PHTF2: variants seen among roughly 807,000 people sequenced by gnomAD.
PHTF2 encodes the protein protein PHTF2.
A neutral mutation model predicts 101.2 loss-of-function variants in PHTF2; 60 were observed. That is an observed-to-expected ratio of 0.59 (90% CI 0.48 to 0.73). PHTF2 has a LOEUF of 0.73. Ranked by LOEUF, PHTF2 falls within the 30% of genes least tolerant of loss-of-function variation. The probability of loss-of-function intolerance (pLI) is 0.00; values close to 1 mark genes in which losing one functional copy is unlikely to be tolerated. For missense variants in PHTF2, 747 were observed against 908.7 expected (o/e 0.82, Z 2.29); for synonymous variants, 311 against 307.3 (o/e 1.01, Z -0.13).
At chr7:77,809,024 C>T (rs1793208497) in intron 1 of PHTF2, among the ~76,000 whole-genome samples, 1 of 151,694 alleles carries the variant, frequency 6.6e-6, no homozygotes. Flanking sequence ...TAAAAAGTAC[C>T]ATTTTGATTT....
At chr7:77,861,532 A>G (rs1441347618) in intron 3 of PHTF2, among the ~76,000 whole-genome samples, 1 of 152,130 alleles carries the variant, frequency 6.6e-6, no homozygotes, top group Admixed American at 6.6e-5. Context: ...ATTGTCTATT[A>G]TGACTTTGGT....
chr7:77,907,523 G>A (rs1801978602), intron 7 of PHTF2, among the ~76,000 whole-genome samples: 1 of 152,134 alleles, frequency 6.6e-6, no homozygotes, highest in Non-Finnish European at 1.5e-5. Context: ...TAGTACAACA[G>A]CTGGGGTGGC....
At chr7:77,863,655 C>CTT (rs71082790) in intron 3 of PHTF2, among the ~76,000 whole-genome samples, 1 of 143,864 alleles carries the variant, frequency 7.0e-6, no homozygotes, top group Non-Finnish European at 1.5e-5. Flanking sequence ...TTATTAAAGA[C>CTT]TTTTTTTTTT....
intron 1 of PHTF2, among the ~76,000 whole-genome samples, chr7:77,836,418 G>A (rs578184933): frequency 5.9e-5 from 9 of 152,246 alleles, no homozygotes; most frequent in African/African-American, 9.6e-5. Flanking sequence ...TTGAGATTCC[G>A]TAAAGGCAGA....
At chr7:77,935,427 G>A (rs1052935455) in intron 12 of PHTF2, among the ~76,000 whole-genome samples, 2 of 151,904 alleles carry the variant, frequency 1.3e-5, no homozygotes, top group African/African-American at 4.8e-5. Context: ...GGGTTTCACC[G>A]TGTTAGCCAG....
intron 5 of PHTF2, 80 bp downstream of exon 4, chr7:77,894,073 C>A: frequency 1.9e-6 from 2 of 1,046,856 alleles, no homozygotes; most frequent in Non-Finnish European, 3.0e-6. Flanking sequence ...CTTTTTGGTG[C>A]TACTAACAGA....
At chr7:77,920,605 G>A in intron 10 of PHTF2, 140 bp downstream of exon 9, 1 of 649,980 alleles carries the variant, frequency 1.5e-6, no homozygotes. Context: ...TGATGAAACT[G>A]TAAATGAGAT....
chr7:77,849,440 T>C (rs926327149), intron 2 of PHTF2, among the ~76,000 whole-genome samples: 2 of 152,172 alleles, frequency 1.3e-5, no homozygotes, highest in African/African-American at 2.4e-5. Context: ...GCCCAGCCAC[T>C]GTGCTGTTTT....
chr7:77,937,837 G>C (rs1805282617), exon 13 of PHTF2: 2 of 1,491,280 alleles, frequency 1.3e-6, no homozygotes, highest in South Asian at 1.4e-5. Context: ...ATAATGAACA[G>C]AGTGAGTTTT....
chr7:77,881,813 A>G (rs1799448492), intron 3 of PHTF2, among the ~76,000 whole-genome samples: 1 of 152,076 alleles, frequency 6.6e-6, no homozygotes, highest in Non-Finnish European at 1.5e-5. Flanking sequence ...ACTCTTGTAC[A>G]TTTTATCTTA....
At chr7:77,808,429 C>G (rs150603487) in intron 1 of PHTF2, among the ~76,000 whole-genome samples, 2 of 152,158 alleles carry the variant, frequency 1.3e-5, no homozygotes, top group East Asian at 3.9e-4. Flanking sequence ...CTGATTCTGT[C>G]TCCTCATCAT....
rs149304825 is a variant in PHTF2, at chr7:77,937,872, G to A, written c.1467+34G>A. 2.6e-4 allele frequency: 309 copies of A among 1,205,490 alleles called. 3 individuals are homozygous for A. In the African/African-American group the frequency reaches 4.2e-3, roughly 16 times the overall value. The allele number at this position is 1,205,490 out of a possible 1,614,324, so 74.7% of individuals were successfully genotyped here. A position where few individuals can be genotyped will look rare whatever the true frequency, so the allele number is the denominator to read the frequency against. On this transcript the variant is annotated intron_variant, in intron 13 of 19. Coordinates refer to ENST00000416283, the Ensembl canonical transcript of PHTF2. Reference sequence around the variant, plus strand: ...TTAAATTTTATTCTTGTAGTTCAAGGGTAAGACTTAGTAATTATATATAAG... The same window carrying A: ...TTAAATTTTATTCTTGTAGTTCAAGAGTAAGACTTAGTAATTATATATAAG...
chr7:77,875,111 T>A (rs1015208117), intron 3 of PHTF2, among the ~76,000 whole-genome samples: 11 of 152,210 alleles, frequency 7.2e-5, no homozygotes, highest in African/African-American at 2.4e-4. Context: ...CTGTATGAAT[T>A]GTAGGATTGT....
chr7:77,880,571 C>T (rs1218731101), intron 3 of PHTF2, among the ~76,000 whole-genome samples: 4 of 152,096 alleles, frequency 2.6e-5, no homozygotes, highest in African/African-American at 9.7e-5. Flanking sequence ...CACATGTGGT[C>T]ATCCTTCTCG....
intron 5 of PHTF2, among the ~76,000 whole-genome samples, chr7:77,898,277 G>A (rs369190179): frequency 1.2e-4 from 19 of 152,154 alleles, no homozygotes; most frequent in African/African-American, 4.3e-4. Flanking sequence ...CAATAAATTA[G>A]GATTCAGATT....
At chr7:77,819,358 G>A (rs1794094460) in intron 1 of PHTF2, among the ~76,000 whole-genome samples, 1 of 152,222 alleles carries the variant, frequency 6.6e-6, no homozygotes, top group African/African-American at 2.4e-5. Context: ...TCAGTATGAT[G>A]TTAGCTTTGG....
intron 3 of PHTF2, among the ~76,000 whole-genome samples, chr7:77,869,154 G>T (rs1456869375): frequency 6.6e-6 from 1 of 152,038 alleles, no homozygotes; most frequent in African/African-American, 2.4e-5. Context: ...ATTTTTAATT[G>T]ATACGTAATT....
intron 1 of PHTF2, among the ~76,000 whole-genome samples, chr7:77,827,526 G>T (rs911485571): frequency 6.6e-6 from 1 of 151,888 alleles, no homozygotes; most frequent in Non-Finnish European, 1.5e-5. Flanking sequence ...GCTAGTTTTT[G>T]TATTTTTAGT....
intron 17 of PHTF2, 34 bp from the exon 17 acceptor site, chr7:77,951,583 A>G: frequency 1.1e-6 from 1 of 876,570 alleles, no homozygotes; most frequent in Non-Finnish European, 1.8e-6. Context: ...TGTATTTATT[A>G]TAATTTGAAG....
Sources: gnomAD v4.1 joint callset for allele counts (sites outside exome capture counted in the v4.1 genomes callset) on GRCh38, gnomAD v4.1.1 for gene constraint, MANE v1.5 for transcripts, NCBI Gene and HGNC (gene_info 2026-07-23, HGNC 2026-07-21) for gene names.